The following SIRT5 variants were observed in gnomAD, a reference collection of about 807,000 sequenced individuals.
SIRT5 encodes the protein NAD-dependent protein deacylase sirtuin-5, mitochondrial.
In SIRT5, 26 loss-of-function variants were observed where a neutral mutation model predicts 40.0. That is an observed-to-expected ratio of 0.65 (90% CI 0.48 to 0.90). The LOEUF (loss-of-function observed/expected upper bound fraction) is 0.90. SIRT5 is among the 40% of genes least tolerant of loss of function. The probability of loss-of-function intolerance (pLI) is 0.00; values close to 1 mark genes in which losing one functional copy is unlikely to be tolerated. For missense variants in SIRT5, 401 were observed against 402.4 expected (o/e 1.00, Z 0.03); for synonymous variants, 146 against 149.1 (o/e 0.98, Z 0.15).
At position 13,584,163 on chromosome 6, in the gene SIRT5, G is replaced by T. The variant is rs1478291664; in HGVS notation, c.53G>T (p.Gly18Val). Residue 18 changes from glycine (G) to valine (V), a missense_variant, in exon 3 of 10, where the codon GGC becomes GTC. By Grantham distance (109) the Gly-to-Val change is moderately radical. Coordinates refer to ENST00000606117, the MANE Select transcript of SIRT5 (RefSeq NM_012241.5). Reference sequence around the variant, plus strand: ...CGATTGATTTCCCAGCTATATTGTGGCCTGAAGCCTCCAGCGTCCACACGA... The same window carrying T: ...CGATTGATTTCCCAGCTATATTGTGTCCTGAAGCCTCCAGCGTCCACACGA... ...PSRLISQLYC[G>V]LKPPASTRNQ... 6.2e-6 allele frequency: 10 copies of T among 1,614,016 alleles called. No homozygotes were observed. The highest frequency in any genetic ancestry group is 4.5e-5 in the East Asian group (2 of 44,900).
At chr6:13,585,434 G>C (rs1759941176) in intron 3 of SIRT5, among the ~76,000 whole-genome samples, 3 of 130,316 alleles carry the variant, frequency 2.3e-5, no homozygotes, top group African/African-American at 8.8e-5. Flanking sequence ...GATGTTACCC[G>C]CCCTGTACCC....
chr6:13,591,544 C>T lies in SIRT5; in HGVS notation c.250-125C>T, dbSNP rs924851632. On this transcript the variant is annotated intron_variant, in intron 4 of 9. Transcript: ENST00000606117. ...CCATGTTGTTTGAACATAGTGCTGCCATCTCCAGCCTGCACCTTCCCGACG... is the reference window on the plus strand; with the variant it reads ...CCATGTTGTTTGAACATAGTGCTGCTATCTCCAGCCTGCACCTTCCCGACG... 4.0e-5 allele frequency: 30 copies of T among 747,050 alleles called. 1 individual carries two copies. In the East Asian group the frequency reaches 8.5e-4, roughly 21 times the overall value. The allele number at this position is 747,050 out of a possible 1,614,324, so 46.3% of individuals were successfully genotyped here.
rs1763985351 is a variant in SIRT5, at chr6:13,611,926, A to T, written c.*61A>T. On this transcript the variant is annotated 3_prime_UTR_variant, in exon 10 of 10. Transcript: ENST00000606117. ...AGAACTAGGCCACACGCAGAGGAGA[A>T]ATGGTCTTATGGGTGGTGAGCTGAG... 2 of 1,529,116 alleles carry T rather than the reference A, an allele frequency of 1.3e-6. No individual in the cohort carries two copies. Among genetic ancestry groups the T allele is most frequent in the Non-Finnish European group, 1.8e-6 (2 of 1,104,934 alleles). The allele number at this position is 1,529,116 out of a possible 1,614,324, so 94.7% of individuals were successfully genotyped here. A position where few individuals can be genotyped will look rare whatever the true frequency, so the allele number is the denominator to read the frequency against.
At chr6:13,584,969 C>G (rs1759869477) in intron 3 of SIRT5, 1 of 152,134 alleles carries the variant, frequency 6.6e-6, no homozygotes, top group Admixed American at 6.6e-5. Flanking sequence ...CTCTCTGGCT[C>G]CATTCATGTT....
intron 2 of SIRT5, among the ~76,000 whole-genome samples, chr6:13,580,007 C>G (rs1759124950): frequency 6.6e-6 from 1 of 152,194 alleles, no homozygotes; most frequent in African/African-American, 2.4e-5. Flanking sequence ...AAATCAAGCA[C>G]TGGAGTGATA....
At chr6:13,579,415 C>G (rs577385583) in intron 1 of SIRT5, 36 bp from the exon 2 acceptor site, 1 of 152,090 alleles carries the variant, frequency 6.6e-6, no homozygotes, top group South Asian at 2.1e-4. Flanking sequence ...AAAAAAATGA[C>G]AGTTTATTCA....
intron 5 of SIRT5, among the ~76,000 whole-genome samples, chr6:13,592,130 C>G (rs983437973): frequency 6.6e-6 from 1 of 152,180 alleles, no homozygotes; most frequent in Non-Finnish European, 1.5e-5. Flanking sequence ...GTTCCTCCAT[C>G]CTCGCTGCTC....
In SIRT5 at chr6:13,599,056, C is replaced by T. The variant is rs1455586781; in HGVS notation, c.642C>T (p.Gly214=). The change falls in exon 8 of 10, where the codon GGC becomes GGT. Residue 214 remains glycine (G), a synonymous_variant. Transcript: ENST00000606117. ...LPRCEEAGCG[G]LLRPHVVWFG... ...GGTGTGAAGAGGCAGGCTGCGGGGGCTTGCTGCGACCTCACGTCGTGTGGT... is the reference window on the plus strand; with the variant it reads ...GGTGTGAAGAGGCAGGCTGCGGGGGTTTGCTGCGACCTCACGTCGTGTGGT... 1 of 1,614,060 alleles carries T rather than the reference C, an allele frequency of 6.2e-7. No individual in the cohort carries two copies. Among genetic ancestry groups the T allele is most frequent in the Admixed American group, 1.7e-5 (1 of 60,022 alleles).
At chr6:13,576,713 C>G (rs1233013300) in intron 1 of SIRT5, among the ~76,000 whole-genome samples, 1 of 152,072 alleles carries the variant, frequency 6.6e-6, no homozygotes, top group Non-Finnish European at 1.5e-5. Flanking sequence ...GGGTCCTATC[C>G]AAGAAATCAT....
At chr6:13,601,671 A>G (rs1762408164) in intron 9 of SIRT5, among the ~76,000 whole-genome samples, 1 of 152,054 alleles carries the variant, frequency 6.6e-6, no homozygotes, top group Admixed American at 6.6e-5. Context: ...ACAGTTTCCA[A>G]CCTTGGCTGC....
chr6:13,581,145 T>C (rs1023266612), intron 2 of SIRT5, among the ~76,000 whole-genome samples: 1 of 152,198 alleles, frequency 6.6e-6, no homozygotes, highest in Admixed American at 6.5e-5. Context: ...CATTTACATA[T>C]ACAGTACTAG....
At position 13,595,544 on chromosome 6, in the gene SIRT5, T is replaced by C. The variant is rs1463284353; in HGVS notation, c.543T>C (p.Cys181=). 1 of 1,613,736 alleles carries C rather than the reference T, an allele frequency of 6.2e-7. No individual in the cohort carries two copies. Among genetic ancestry groups the C allele is most frequent in the South Asian group, 1.1e-5 (1 of 91,084 alleles). Residue 181 remains cysteine, a synonymous_variant, in exon 6 of 10, where the codon TGT becomes TGC. Transcript: ENST00000606117. The part of the protein sequence containing the change: ...VVAENYKSPI[C]PALSGKGAPE... ...CTGAGAATTACAAGAGTCCAATTTG[T>C]CCAGCTTTATCAGGAAAAGGGTAAT...
At chr6:13,585,149 T>A (rs1291405647) in intron 3 of SIRT5, 1 of 152,180 alleles carries the variant, frequency 6.6e-6, no homozygotes, top group Non-Finnish European at 1.5e-5. Context: ...GTGTGATTGG[T>A]GGGGTAGTTG....
At chr6:13,608,914 C>G (rs1474351522) in intron 9 of SIRT5, among the ~76,000 whole-genome samples, 1 of 151,748 alleles carries the variant, frequency 6.6e-6, no homozygotes, top group East Asian at 1.9e-4. Context: ...CTCTGCCTCC[C>G]GGATTCAAGC....
chr6:13,607,590 C>T lies in SIRT5; in HGVS notation c.858-4200C>T, dbSNP rs1283925893. On this transcript the variant is annotated intron_variant, in intron 9 of 9. Transcript: ENST00000606117. The surrounding 1 kb of genome is among the most constrained non-coding windows in gnomAD (Gnocchi z 4.0). ...CAGCTAACACTGTAGTCGTGGTTGTCCTACAACTGGTGGGGGCCAGCAGAG... is the reference window on the plus strand; with the variant it reads ...CAGCTAACACTGTAGTCGTGGTTGTTCTACAACTGGTGGGGGCCAGCAGAG... Among the ~76,000 whole-genome samples, 9 of 152,280 alleles carry T rather than the reference C, an allele frequency of 5.9e-5. No individual in the cohort carries two copies. The highest frequency in any genetic ancestry group is 3.3e-4 in the Admixed American group (5 of 15,284).
chr6:13,602,251 TA>T (rs1488383486), intron 9 of SIRT5, among the ~76,000 whole-genome samples: 7 of 152,272 alleles, frequency 4.6e-5, no homozygotes, highest in African/African-American at 1.4e-4. Context: ...AAGATTAATC[TA>T]AAATTCATAT....
chr6:13,593,156 CCCT>C (rs1761153259), intron 5 of SIRT5, among the ~76,000 whole-genome samples: 1 of 152,136 alleles, frequency 6.6e-6, no homozygotes, highest in South Asian at 2.1e-4. Flanking sequence ...AAGCAGTCCT[CCCT>C]CCTCAGCCTC....
chr6:13,574,864 C>T (rs1004560462), intron 1 of SIRT5, 120 bp downstream of exon 1: 3 of 152,180 alleles, frequency 2.0e-5, no homozygotes, highest in Admixed American at 2.0e-4. Context: ...GCTGGGGAGC[C>T]CCGCGAGGGC....
chr6:13,595,303 G>C (rs552289491), intron 5 of SIRT5, among the ~76,000 whole-genome samples, 174 bp from the exon 6 acceptor site: 1 of 152,186 alleles, frequency 6.6e-6, no homozygotes, highest in South Asian at 2.1e-4. Flanking sequence ...GAGCCCATGA[G>C]TTGGAAGCTG....
Sources: allele counts gnomAD v4.1 joint callset (sites outside exome capture counted in the v4.1 genomes callset), GRCh38; gene constraint gnomAD v4.1.1; non-coding constraint Gnocchi (gnomAD v3.1); transcripts MANE v1.5; gene names NCBI Gene and HGNC (gene_info 2026-07-23, HGNC 2026-07-21).